ADAM30: variants seen among roughly 807,000 people sequenced by gnomAD.
ADAM30 encodes the protein ADAM metallopeptidase domain 30, also known as disintegrin and metalloproteinase domain-containing protein 30.
For synonymous variants in ADAM30, 382 were observed against 340.9 expected (o/e 1.12, Z -1.33); for missense variants, 960 against 959.4 (o/e 1.00, Z -0.01).
Position 119,894,349 on chromosome 1 carries a change from TC to T in ADAM30, c.1987del (p.Glu663LysfsTer30). On this transcript the variant is annotated frameshift_variant, in exon 1 of 1. Transcript: ENST00000369400. LOFTEE classifies it low-confidence loss of function (END_TRUNC). ...MYGWAPPFCE[E>X]VGYGGSIDSG... ...GTCAATGCTTCCTCCATACCCCACT[TC>T]CTCACAGAATGGAGGTGCCCACCCA... is the stretch of plus-strand genomic sequence containing the variant. 3.7e-6 allele frequency: 6 copies of T among 1,614,154 alleles called. No homozygotes were observed. Among genetic ancestry groups the T allele is most frequent in the Non-Finnish European group, 5.1e-6 (6 of 1,180,000 alleles).
chr1:119,896,345 C>T lies in ADAM30; in HGVS notation c.-9G>A. 1 of 1,533,866 alleles carries T rather than the reference C, an allele frequency of 6.5e-7. No homozygotes were observed. Among genetic ancestry groups the T allele is most frequent in the Non-Finnish European group, 8.8e-7 (1 of 1,140,788 alleles). ...ATCTGCACTGACCTCATGGTCTGTT[C>T]CCTACTCAGCCTCAGTTTGCTATTC... On this transcript the variant is annotated 5_prime_UTR_variant, in exon 1 of 1. Coordinates refer to ENST00000369400, the MANE Select transcript of ADAM30 (RefSeq NM_021794.4).
At position 119,894,379 on chromosome 1, in the gene ADAM30, A is replaced by C; in HGVS notation, c.1958T>G (p.Met653Arg). The C allele has an allele frequency of 6.2e-7, 1 of 1,614,150 alleles. No individual in the cohort carries two copies. Among genetic ancestry groups the C allele is most frequent in the Non-Finnish European group, 8.5e-7 (1 of 1,180,014 alleles). Reference protein sequence around the residue: ...VCNNRKNCHCMYGWAPPFCEE... With the variant: ...VCNNRKNCHCRYGWAPPFCEE... ...ACAGAATGGAGGTGCCCACCCATAC[A>C]TGCAGTGGCAGTTTTTTCTGTTGTT... Residue 653 changes from methionine (M) to arginine (R), a missense_variant, in exon 1 of 1, where the codon ATG (methionine) becomes AGG (arginine). By Grantham distance (91) the Met-to-Arg change is moderately conservative. Coordinates refer to ENST00000369400, the MANE Select transcript of ADAM30 (RefSeq NM_021794.4).
chr1:119,894,053 A>AT lies in ADAM30; in HGVS notation c.2283dup (p.Ser762IlefsTer2). The stretch of plus-strand genomic sequence containing the variant: ...TCTTCCTGTCCAGTTTTTGCTTTAG[A>AT]TTCTTCCTGTCCAGTTTTTGCTTCA... On this transcript the variant is annotated frameshift_variant, in exon 1 of 1. Transcript: ENST00000369400. LOFTEE classifies it low-confidence loss of function (END_TRUNC). 6.2e-7 allele frequency: 1 copy of AT among 1,613,760 alleles called. No individual in the cohort carries two copies. Among genetic ancestry groups the AT allele is most frequent in the Non-Finnish European group, 8.5e-7 (1 of 1,179,870 alleles).
In ADAM30 at chr1:119,894,259, A is replaced by G. The variant is rs1648505832; in HGVS notation, c.2078T>C (p.Met693Thr). Reference protein sequence around the residue: ...PSSIWVVSIIMFRLILLILSV... With the variant: ...PSSIWVVSIITFRLILLILSV... Reference sequence around the variant, plus strand: ...AAGGATTAATAAAATAAGGCGAAACATTATGATGGACACAACCCAAATTGA... The same window carrying G: ...AAGGATTAATAAAATAAGGCGAAACGTTATGATGGACACAACCCAAATTGA... The change falls in exon 1 of 1, where the codon ATG becomes ACG. Residue 693 changes from methionine to threonine, a missense_variant. Met to Thr is a moderately conservative substitution (Grantham distance 81). Transcript: ENST00000369400. 3.1e-6 allele frequency: 5 copies of G among 1,614,252 alleles called. No individual in the cohort carries two copies. Among genetic ancestry groups the G allele is most frequent in the Non-Finnish European group, 4.2e-6 (5 of 1,180,056 alleles).
Position 119,895,137 on chromosome 1 carries a change from C to G in ADAM30, c.1200G>C (p.Lys400Asn). 6.2e-7 allele frequency: 1 copy of G among 1,614,156 alleles called. No individual in the cohort carries two copies. Among genetic ancestry groups the G allele is most frequent in the African/African-American group, 1.3e-5 (1 of 75,042 alleles). ...NNIPGLGYVL[K>N]RCGNKIVEDN... ...CCTCCACAATTTTGTTTCCACATCT[C>G]TTAAGCACATAACCTAGTCCTGGGA... The change falls in exon 1 of 1, where the codon AAG (lysine) becomes AAC (asparagine). Residue 400 changes from lysine (K) to asparagine (N), a missense_variant. Coordinates refer to ENST00000369400, the MANE Select transcript of ADAM30 (RefSeq NM_021794.4).
rs781229975 is a variant in ADAM30 at position 119,894,254 on chromosome 1, G to A, written c.2083C>T (p.Arg695Cys). 27 of 1,614,040 alleles carry A rather than the reference G, an allele frequency of 1.7e-5. No individual in the cohort carries two copies. The highest frequency in any genetic ancestry group is 2.0e-5 in the Non-Finnish European group (24 of 1,180,034). ...ACTGAAAGGATTAATAAAATAAGGCGAAACATTATGATGGACACAACCCAA... is the reference window on the plus strand; with the variant it reads ...ACTGAAAGGATTAATAAAATAAGGCAAAACATTATGATGGACACAACCCAA... Reference protein sequence around the residue: ...SIWVVSIIMFRLILLILSVVF... With the variant: ...SIWVVSIIMFCLILLILSVVF... Residue 695 changes from arginine (R) to cysteine (C), a missense_variant, in exon 1 of 1, where the codon CGC becomes TGC. By Grantham distance (180) the Arg-to-Cys change is radical. Coordinates refer to ENST00000369400, the MANE Select transcript of ADAM30 (RefSeq NM_021794.4).
chr1:119,896,087 A>G lies in ADAM30; in HGVS notation c.250T>C (p.Leu84=). ...VLHLWPKRLL[L]PRHLRVFSFT... is the part of the protein sequence containing the mutation. Reference sequence around the variant, plus strand: ...GAGAAAACGCGCAGATGTCGGGGCAACAGAAGTCTCTTGGGCCACAAATGG... The same window carrying G: ...GAGAAAACGCGCAGATGTCGGGGCAGCAGAAGTCTCTTGGGCCACAAATGG... Residue 84 remains leucine, a synonymous_variant, in exon 1 of 1, where the codon TTG becomes CTG. Transcript: ENST00000369400. The G allele has an allele frequency of 6.2e-7, 1 of 1,614,122 alleles. No homozygotes were observed. The highest frequency in any genetic ancestry group is 1.3e-5 in the African/African-American group (1 of 75,020).
At position 119,893,841 on chromosome 1, in the gene ADAM30, ATCAAAAC is replaced by A. The variant is rs1648490813; in HGVS notation, c.*116_*122del. The stretch of plus-strand genomic sequence containing the variant: ...AAACAAGAATGCTGTTTATTTGCTG[ATCAAAAC>A]TTGTGGGAAAAATTAAAGTAAAAAA... On this transcript the variant is annotated 3_prime_UTR_variant, in exon 1 of 1. Transcript: ENST00000369400. 1.3e-5 allele frequency: 19 copies of A among 1,503,842 alleles called. 1 individual carries two copies. The South Asian group carries it at 2.2e-4, about 18-fold the overall frequency. 93.2% of individuals were successfully genotyped at this position (1,503,842 alleles called of 1,614,324 possible).
Position 119,894,337 on chromosome 1 carries a change from C to G in ADAM30, c.2000G>C (p.Gly667Ala). Reference protein sequence around the residue: ...APPFCEEVGYGGSIDSGPPGL... With the variant: ...APPFCEEVGYAGSIDSGPPGL... Reference sequence around the variant, plus strand: ...TGGAGGCCCACTGTCAATGCTTCCTCCATACCCCACTTCCTCACAGAATGG... The same window carrying G: ...TGGAGGCCCACTGTCAATGCTTCCTGCATACCCCACTTCCTCACAGAATGG... The change falls in exon 1 of 1, where the codon GGA becomes GCA. Residue 667 changes from glycine to alanine, a missense_variant. Transcript: ENST00000369400. 1 of 1,614,200 alleles carries G rather than the reference C, an allele frequency of 6.2e-7. No individual in the cohort carries two copies. Among genetic ancestry groups the G allele is most frequent in the Middle Eastern group, 1.6e-4 (1 of 6,062 alleles).
chr1:119,894,467 C>T lies in ADAM30; in HGVS notation c.1870G>A (p.Val624Ile), dbSNP rs778961237. 21 of 1,614,000 alleles carry T rather than the reference C, an allele frequency of 1.3e-5. No homozygotes were observed. The highest frequency in any genetic ancestry group is 1.6e-4 in the Middle Eastern group (1 of 6,084). ...EGRVCFKKNCVNSSVLQFDCL... is the reference protein window; with the variant it reads ...EGRVCFKKNCINSSVLQFDCL... ...TCAAACTGCAGGACTGAGCTATTGA[C>T]GCAATTTTTTTTAAAACATACCCGG... Residue 624 changes from valine (V) to isoleucine (I), a missense_variant, in exon 1 of 1, where the codon GTC becomes ATC. Physicochemically the swap from Val to Ile is conservative, Grantham distance 29. Coordinates refer to ENST00000369400, the MANE Select transcript of ADAM30 (RefSeq NM_021794.4).
In ADAM30 at chr1:119,895,504, A is replaced by G. The variant is rs775212621; in HGVS notation, c.833T>C (p.Ile278Thr). ...AGCATTTAATACACTTTTTTTATAT[A>G]TTACAAATCTGCCTAAAACTTCAGC... Reference protein sequence around the residue: ...ELAEVLGRFVIYKKSVLNARL... With the variant: ...ELAEVLGRFVTYKKSVLNARL... Residue 278 changes from isoleucine to threonine, a missense_variant, in exon 1 of 1, where the codon ATA becomes ACA. Ile to Thr is a moderately conservative substitution (Grantham distance 89). Coordinates refer to ENST00000369400, the MANE Select transcript of ADAM30 (RefSeq NM_021794.4). 3 of 1,613,826 alleles carry G rather than the reference A, an allele frequency of 1.9e-6. No individual in the cohort carries two copies. The highest frequency in any genetic ancestry group is 3.3e-5 in the Admixed American group (2 of 60,030).
chr1:119,895,663 T>C lies in ADAM30; in HGVS notation c.674A>G (p.Gln225Arg). 6.2e-7 allele frequency: 1 copy of C among 1,614,148 alleles called. No homozygotes were observed. The highest frequency in any genetic ancestry group is 8.5e-7 in the Non-Finnish European group (1 of 1,180,042). ...CAAAAGAATGGCATCATGTATGACT[T>C]GAGAAAGATTGTTGTTCACAAACCT... The part of the protein sequence containing the change: ...RYRFVNNNLS[Q>R]VIHDAILLTG... The change falls in exon 1 of 1, where the codon CAA becomes CGA. Residue 225 changes from glutamine to arginine, a missense_variant. Physicochemically the swap from Gln to Arg is conservative, Grantham distance 43. Coordinates refer to ENST00000369400, the MANE Select transcript of ADAM30 (RefSeq NM_021794.4).
rs768143443 is a variant in ADAM30, at chr1:119,894,169, AT to A, written c.2167del (p.Met723CysfsTer103). 6.2e-7 allele frequency: 1 copy of A among 1,613,208 alleles called. No homozygotes were observed. Among genetic ancestry groups the A allele is most frequent in the Non-Finnish European group, 8.5e-7 (1 of 1,179,846 alleles). On this transcript the variant is annotated frameshift_variant, in exon 1 of 1. Coordinates refer to ENST00000369400, the MANE Select transcript of ADAM30 (RefSeq NM_021794.4). LOFTEE classifies it low-confidence loss of function (END_TRUNC). Reference protein sequence around the residue: ...GNHLKPKQEKMPLSKAKTEQE... With the variant: ...GNHLKPKQEKXPLSKAKTEQE... ...TTCAGTTTTTGCTTTGGATAGTGGC[AT>A]TTTTTCCTGTTTGGGTTTTAAGTGG... is the stretch of plus-strand genomic sequence containing the variant.
Position 119,896,470 on chromosome 1 carries a change from G to A in ADAM30, c.-134C>T, listed in dbSNP as rs1254866694. ...CTCCCCTGGCAGGGTTTCCGGGGGAGCCCGTAGCCTCCCAGGGCTCGGTCT... is the reference window on the plus strand; with the variant it reads ...CTCCCCTGGCAGGGTTTCCGGGGGAACCCGTAGCCTCCCAGGGCTCGGTCT... On this transcript the variant is annotated 5_prime_UTR_variant, in exon 1 of 1. Coordinates refer to ENST00000369400, the MANE Select transcript of ADAM30 (RefSeq NM_021794.4). 22 of 1,376,930 alleles carry A rather than the reference G, an allele frequency of 1.6e-5. No homozygotes were observed. The highest frequency in any genetic ancestry group is 2.1e-5 in the Non-Finnish European group (22 of 1,053,228). The allele number at this position is 1,376,930 out of a possible 1,614,324, so 85.3% of individuals were successfully genotyped here. A position where few individuals can be genotyped will look rare whatever the true frequency, so the allele number is the denominator to read the frequency against.
In ADAM30 at chr1:119,894,114, C is replaced by T. The variant is rs587754896; in HGVS notation, c.2223G>A (p.Gln741=). 3 of 1,613,272 alleles carry T rather than the reference C, an allele frequency of 1.9e-6. 1 individual carries two copies. The highest frequency in any genetic ancestry group is 2.7e-5 in the African/African-American group (2 of 74,916). ...GTCCAGTTTTTGTTTTAGATTCTTC[C>T]TGTACAGTTTTTGTTTTAGATTCTT... ...EQEESKTKTV[Q]EESKTKTGQE... Residue 741 remains glutamine, a synonymous_variant, in exon 1 of 1, where the codon CAG becomes CAA. Coordinates refer to ENST00000369400, the MANE Select transcript of ADAM30 (RefSeq NM_021794.4).
In ADAM30 at chr1:119,896,490, C is replaced by A; in HGVS notation, c.-154G>T. On this transcript the variant is annotated 5_prime_UTR_variant, in exon 1 of 1. Transcript: ENST00000369400. Reference sequence around the variant, plus strand: ...GGGGAGCCCGTAGCCTCCCAGGGCTCGGTCTAGCTGGCGTCCGCAATGCGC... The same window carrying A: ...GGGGAGCCCGTAGCCTCCCAGGGCTAGGTCTAGCTGGCGTCCGCAATGCGC... 1.6e-6 allele frequency: 2 copies of A among 1,278,176 alleles called. No homozygotes were observed. The highest frequency in any genetic ancestry group is 1.8e-5 in the South Asian group (1 of 54,506). The allele number at this position is 1,278,176 out of a possible 1,614,324, so 79.2% of individuals were successfully genotyped here. A position where few individuals can be genotyped will look rare whatever the true frequency, so the allele number is the denominator to read the frequency against.
In ADAM30 at chr1:119,894,515, C is replaced by A; in HGVS notation, c.1822G>T (p.Asp608Tyr). The A allele has an allele frequency of 1.2e-6, 2 of 1,614,028 alleles. No homozygotes were observed. Among genetic ancestry groups the A allele is most frequent in the Non-Finnish European group, 1.7e-6 (2 of 1,180,042 alleles). The change falls in exon 1 of 1, where the codon GAT becomes TAT. Residue 608 changes from aspartate to tyrosine, a missense_variant. By Grantham distance (160) the Asp-to-Tyr change is radical (BLOSUM62 -3). Transcript: ENST00000369400. The stretch of plus-strand genomic sequence containing the variant: ...CGGCCTTCTCCACAGGAGGTGCCAT[C>A]ATTTATCATACCTAGGTCAGGTATT... ...MGIPDLGMIN[D>Y]GTSCGEGRVC...
In ADAM30 at chr1:119,895,121, T is replaced by C. The variant is rs587663718; in HGVS notation, c.1216A>G (p.Ile406Val). 3.7e-6 allele frequency: 6 copies of C among 1,614,196 alleles called. No individual in the cohort carries two copies. The African/African-American group carries it at 6.7e-5, about 18-fold the overall frequency. ...GYVLKRCGNK[I>V]VEDNEECDCG... ...TCACATTCCTCATTGTCCTCCACAATTTTGTTTCCACATCTCTTAAGCACA... is the reference window on the plus strand; with the variant it reads ...TCACATTCCTCATTGTCCTCCACAACTTTGTTTCCACATCTCTTAAGCACA... Residue 406 changes from isoleucine (I) to valine (V), a missense_variant, in exon 1 of 1, where the codon ATT (isoleucine) becomes GTT (valine). Ile to Val is a conservative substitution (Grantham distance 29). Transcript: ENST00000369400.
rs749492038 is a variant in ADAM30, at chr1:119,895,294, T to C, written c.1043A>G (p.His348Arg). The part of the protein sequence containing the change: ...HELGHAVGMS[H>R]DEQYCQCRGR... ...CCTACATTGGCAGTATTGTTCATCATGTGACATTCCTACAGCATGACCCAG... is the reference window on the plus strand; with the variant it reads ...CCTACATTGGCAGTATTGTTCATCACGTGACATTCCTACAGCATGACCCAG... The change falls in exon 1 of 1, where the codon CAT (histidine) becomes CGT (arginine). Residue 348 changes from histidine (H) to arginine (R), a missense_variant. By Grantham distance (29) the His-to-Arg change is conservative (BLOSUM62 0). Coordinates refer to ENST00000369400, the MANE Select transcript of ADAM30 (RefSeq NM_021794.4). The C allele has an allele frequency of 2.5e-6, 4 of 1,614,204 alleles. No individual in the cohort carries two copies. Among genetic ancestry groups the C allele is most frequent in the Admixed American group, 3.3e-5 (2 of 60,018 alleles).
Sources: gnomAD v4.1 joint callset for allele counts on GRCh38, gnomAD v4.1.1 for gene constraint, MANE v1.5 for transcripts, NCBI Gene and HGNC (gene_info 2026-07-23, HGNC 2026-07-21) for gene names.